OR1J2: variants seen among roughly 807,000 people sequenced by gnomAD.
The protein encoded by OR1J2 is olfactory receptor family 1 subfamily J member 2, also known as olfactory receptor 1J2.
For synonymous variants in OR1J2, 142 were observed against 99.7 expected, an observed-to-expected ratio of 1.42 and a Z score of -2.52; for missense variants, 304 against 246.1, an observed-to-expected ratio of 1.24 and a Z score of -1.57.
chr9:122,570,430 G>A, the OR1J2 span, among the ~76,000 whole-genome samples: 13 of 152,198 alleles, frequency 8.5e-5, no homozygotes, highest in East Asian at 2.5e-3. Flanking sequence ...TTAAATGTTG[G>A]CTATTTATAT....
the OR1J2 span, chr9:122,554,138 C>A: frequency 1.9e-6 from 3 of 1,611,992 alleles, no homozygotes; most frequent in South Asian, 3.3e-5. Flanking sequence ...AACTTTTTGT[C>A]AGTGGAAAAA....
the OR1J2 span, chr9:122,526,530 C>G: frequency 6.2e-7 from 1 of 1,605,268 alleles, no homozygotes; most frequent in Non-Finnish European, 8.5e-7. Context: ...CAGGTAGGCA[C>G]TGAAGAGGGT....
the OR1J2 span, chr9:122,553,726 G>T: frequency 1.2e-6 from 2 of 1,613,400 alleles, no homozygotes; most frequent in Non-Finnish European, 1.7e-6. Context: ...GTGGCTTTCT[G>T]TGCCCAGAAA....
At chr9:122,519,245 C>A in the OR1J2 span, 1 of 1,614,060 alleles carries the variant, frequency 6.2e-7, no homozygotes, top group Non-Finnish European at 8.5e-7. Context: ...TGGGCATGTA[C>A]CTGATCACGG....
At chr9:122,528,071 A>G in the OR1J2 span, among the ~76,000 whole-genome samples, 1 of 152,260 alleles carries the variant, frequency 6.6e-6, no homozygotes, top group Non-Finnish European at 1.5e-5. Flanking sequence ...CTGTACCATC[A>G]GTCAATATAG....
At chr9:122,495,584 C>T in the OR1J2 span, among the ~76,000 whole-genome samples, 4 of 151,864 alleles carry the variant, frequency 2.6e-5, no homozygotes, top group Admixed American at 2.0e-4. Flanking sequence ...ATTTTCCTTT[C>T]GTATCCTGTA....
chr9:122,469,652 GA>G, the OR1J2 span, among the ~76,000 whole-genome samples: 2 of 152,222 alleles, frequency 1.3e-5, no homozygotes, highest in Non-Finnish European at 2.9e-5. Flanking sequence ...GGAGGGCTCA[GA>G]AGAAGACAGG....
At chr9:122,490,021 C>T in the OR1J2 span, among the ~76,000 whole-genome samples, 4 of 152,190 alleles carry the variant, frequency 2.6e-5, no homozygotes, top group Non-Finnish European at 5.9e-5. Flanking sequence ...TCTAATGCCT[C>T]TCGATTTTGC....
At chr9:122,523,272 T>TATGA in the OR1J2 span, among the ~76,000 whole-genome samples, 32 of 152,226 alleles carry the variant, frequency 2.1e-4, no homozygotes, top group African/African-American at 7.5e-4. Context: ...CATAGGTGTG[T>TATGA]ATGAGTCAAG....
the OR1J2 span, among the ~76,000 whole-genome samples, chr9:122,447,818 T>C: frequency 6.6e-6 from 1 of 152,170 alleles, no homozygotes; most frequent in African/African-American, 2.4e-5. Flanking sequence ...GAAGGATACA[T>C]ACAACAGACA....
the OR1J2 span, among the ~76,000 whole-genome samples, chr9:122,521,139 A>G: frequency 1.3e-5 from 2 of 152,226 alleles, no homozygotes; most frequent in African/African-American, 4.8e-5. Context: ...AACACCTAAC[A>G]TATTTTATTT....
downstream of OR1J2, among the ~76,000 whole-genome samples, chr9:122,515,446 T>TGTGTGTGTGTGTGTGTGTG (rs1828688425): frequency 6.6e-6 from 1 of 150,596 alleles, no homozygotes; most frequent in African/African-American, 2.4e-5. Flanking sequence ...TTATTCCCAG[T>TGTGTGTGTGTGTGTGTGTG]TCCTAAAGAC....
upstream of OR1J2, among the ~76,000 whole-genome samples, chr9:122,506,024 A>G (rs1828519111): frequency 6.6e-6 from 1 of 152,148 alleles, no homozygotes. Flanking sequence ...CACCGGAGAG[A>G]AGAAACACAA....
chr9:122,503,027 C>T, the OR1J2 span, among the ~76,000 whole-genome samples: 1 of 152,100 alleles, frequency 6.6e-6, no homozygotes, highest in Non-Finnish European at 1.5e-5. Flanking sequence ...CAGGTGGTTG[C>T]CTTAGTTGAT....
At chr9:122,450,441 C>CT in the OR1J2 span, among the ~76,000 whole-genome samples, 6 of 152,078 alleles carry the variant, frequency 3.9e-5, no homozygotes, top group African/African-American at 1.4e-4. Context: ...AAAAAAAAAT[C>CT]TTTAAAAAGT....
upstream of OR1J2, among the ~76,000 whole-genome samples, chr9:122,506,325 A>C (rs754834153): frequency 3.3e-5 from 5 of 152,178 alleles, no homozygotes; most frequent in Non-Finnish European, 7.4e-5. Context: ...TACCTTTCCC[A>C]GTGGAATCAA....
upstream of OR1J2, among the ~76,000 whole-genome samples, chr9:122,510,000 G>A (rs763913877): frequency 1.3e-5 from 2 of 152,092 alleles, no homozygotes; most frequent in Admixed American, 1.3e-4. Context: ...CTGTCGGGGG[G>A]TGCGGGAGGA....
the OR1J2 span, among the ~76,000 whole-genome samples, chr9:122,473,017 G>A: frequency 6.6e-6 from 1 of 152,248 alleles, no homozygotes; most frequent in East Asian, 1.9e-4. Context: ...AAGATGTTTG[G>A]ATGACTTCTA....
chr9:122,534,525 T>C, the OR1J2 span, among the ~76,000 whole-genome samples: 3 of 152,186 alleles, frequency 2.0e-5, no homozygotes, highest in South Asian at 6.2e-4. Context: ...TAAGAGGATA[T>C]TGCTGGGCAG....
Sources: gnomAD v4.1 joint callset for allele counts (sites outside exome capture counted in the v4.1 genomes callset) on GRCh38, gnomAD v4.1.1 for gene constraint, MANE v1.5 for transcripts, NCBI Gene and HGNC (gene_info 2026-07-23, HGNC 2026-07-21) for gene names.